The following ST6GALNAC3 variants were observed in gnomAD, a reference collection of about 807,000 sequenced individuals.
ST6GALNAC3 encodes ST6 N-acetylgalactosaminide alpha-2,6-sialyltransferase 3, also known as alpha-N-acetylgalactosaminide alpha-2,6-sialyltransferase 3.
ST6GALNAC3 carries 25 observed loss-of-function variants against 32.7 expected under a neutral mutation model. That is an observed-to-expected ratio of 0.76 (90% CI 0.56 to 1.07). The LOEUF (loss-of-function observed/expected upper bound fraction) is 1.07. ST6GALNAC3 is among the 50% of genes least tolerant of loss of function. The probability of loss-of-function intolerance (pLI) is 0.00; values close to 1 mark genes in which losing one functional copy is unlikely to be tolerated. For missense variants in ST6GALNAC3, 355 were observed against 382.4 expected, an observed-to-expected ratio of 0.93 and a Z score of 0.60; for synonymous variants, 129 against 133.1, an observed-to-expected ratio of 0.97 and a Z score of 0.21.
At chr1:76,287,387 C>CTTTTTTTTTT (rs5775339) in intron 1 of ST6GALNAC3, among the ~76,000 whole-genome samples, 4 of 130,754 alleles carry the variant, frequency 3.1e-5, no homozygotes, top group Non-Finnish European at 3.2e-5. Flanking sequence ...TTTTTTCTTC[C>CTTTTTTTTTT]TTTTTTTTTT....
intron 1 of ST6GALNAC3, among the ~76,000 whole-genome samples, chr1:76,130,111 T>C (rs1178208112): frequency 6.6e-6 from 1 of 152,188 alleles, no homozygotes; most frequent in African/African-American, 2.4e-5. Context: ...CTTGTGTTCT[T>C]ATTTAAGAGG....
At chr1:76,479,251 A>G (rs1164652254) in intron 3 of ST6GALNAC3, among the ~76,000 whole-genome samples, 1 of 152,192 alleles carries the variant, frequency 6.6e-6, no homozygotes, top group African/African-American at 2.4e-5. Flanking sequence ...ATGGAAACAG[A>G]CAAAATAAAA....
chr1:76,474,625 G>GT (rs1659235090), intron 3 of ST6GALNAC3, among the ~76,000 whole-genome samples: 1 of 152,176 alleles, frequency 6.6e-6, no homozygotes, highest in East Asian at 1.9e-4. Context: ...CAGGTGATTA[G>GT]AATAGCTATT....
Position 76,629,956 on chromosome 1 carries a change from G to C in ST6GALNAC3, c.*1150G>C. 1.0e-6 allele frequency: 1 copy of C among 985,018 alleles called. No homozygotes were observed. Among genetic ancestry groups the C allele is most frequent in the Middle Eastern group, 5.2e-4 (1 of 1,914 alleles). The allele number at this position is 985,018 out of a possible 1,614,324, so 61.0% of individuals were successfully genotyped here. ...CTTCTAGGGATTTATTTTTCCCATA[G>C]TGTATCAGTTGTTATGCCACAATAA... On this transcript the variant is annotated 3_prime_UTR_variant, in exon 5 of 5. Transcript: ENST00000328299.
chr1:76,315,258 T>C (rs1360650014), intron 2 of ST6GALNAC3, among the ~76,000 whole-genome samples: 1 of 152,148 alleles, frequency 6.6e-6, no homozygotes, highest in African/African-American at 2.4e-5. Flanking sequence ...CTCACCCTCA[T>C]CTTTTGTTAC....
intron 3 of ST6GALNAC3, among the ~76,000 whole-genome samples, chr1:76,513,925 A>G (rs970832633): frequency 6.6e-6 from 1 of 152,164 alleles, no homozygotes. Flanking sequence ...ACTATTGTAA[A>G]TGGAATTGTT....
Position 76,634,024 on chromosome 1 carries a change from A to T in ST6GALNAC3, c.*5218A>T. On this transcript the variant is annotated 3_prime_UTR_variant, in exon 5 of 5. Coordinates refer to ENST00000328299, the MANE Select transcript of ST6GALNAC3 (RefSeq NM_152996.4). The stretch of plus-strand genomic sequence containing the variant: ...CTTGGGCGTTGTAACAGTGCAGAAA[A>T]TCTCATTTAGTTTTTTTCTTTTTTT... 3.0e-6 allele frequency: 1 copy of T among 336,402 alleles called. No individual in the cohort carries two copies. The highest frequency in any genetic ancestry group is 4.2e-6 in the Non-Finnish European group (1 of 237,780). 20.8% of individuals were successfully genotyped at this position (336,402 alleles called of 1,614,324 possible).
At chr1:76,426,544 GAT>G (rs35312320) in intron 3 of ST6GALNAC3, among the ~76,000 whole-genome samples, 18 of 146,614 alleles carry the variant, frequency 1.2e-4, no homozygotes, top group Admixed American at 2.7e-4. Flanking sequence ...CTGTTTTACA[GAT>G]ATATATATAT....
intron 3 of ST6GALNAC3, among the ~76,000 whole-genome samples, chr1:76,568,545 C>T (rs1038266255): frequency 6.6e-6 from 1 of 152,166 alleles, no homozygotes; most frequent in Non-Finnish European, 1.5e-5. Context: ...TCTACAGGAG[C>T]CCGACTACAT....
intron 3 of ST6GALNAC3, among the ~76,000 whole-genome samples, chr1:76,457,287 T>G (rs1209667777): frequency 6.6e-6 from 1 of 152,018 alleles, no homozygotes; most frequent in Non-Finnish European, 1.5e-5. Flanking sequence ...CCCAAGGTAA[T>G]TTACAGATTC....
chr1:76,163,338 A>G (rs1651927299), intron 1 of ST6GALNAC3, among the ~76,000 whole-genome samples: 1 of 152,226 alleles, frequency 6.6e-6, no homozygotes, highest in Non-Finnish European at 1.5e-5. Context: ...TGCTGAGTCC[A>G]CAGTGATTAA....
At chr1:76,080,371 A>G (rs1646876734) in intron 1 of ST6GALNAC3, among the ~76,000 whole-genome samples, 1 of 152,138 alleles carries the variant, frequency 6.6e-6, no homozygotes, top group South Asian at 2.1e-4. Flanking sequence ...AGGATGTGGC[A>G]TGGATTTTTT....
At chr1:76,286,643 G>A (rs1308783640) in intron 1 of ST6GALNAC3, among the ~76,000 whole-genome samples, 3 of 152,216 alleles carry the variant, frequency 2.0e-5, no homozygotes, top group African/African-American at 7.2e-5. Context: ...GCCATGACTT[G>A]TTGCTTTTAT....
At chr1:76,298,020 T>C (rs749863178) in intron 1 of ST6GALNAC3, among the ~76,000 whole-genome samples, 1 of 151,962 alleles carries the variant, frequency 6.6e-6, no homozygotes, top group Non-Finnish European at 1.5e-5. Flanking sequence ...AGTATGGAAT[T>C]TATCAAGAAC....
At chr1:76,469,181 G>A (rs973536236) in intron 3 of ST6GALNAC3, among the ~76,000 whole-genome samples, 3 of 152,036 alleles carry the variant, frequency 2.0e-5, no homozygotes, top group Non-Finnish European at 2.9e-5. Context: ...TCTAACACAA[G>A]ACTGTTGTTG....
At chr1:76,281,862 A>G (rs12749473) in intron 1 of ST6GALNAC3, among the ~76,000 whole-genome samples, 17,579 of 152,150 alleles carry the variant, frequency 0.12, 1,083 homozygotes, top group Middle Eastern at 0.17. Flanking sequence ...GCAGTAAGGA[A>G]AGGGAGGAAG....
At chr1:76,305,349 T>G (rs567471181) in intron 1 of ST6GALNAC3, among the ~76,000 whole-genome samples, 28 of 152,160 alleles carry the variant, frequency 1.8e-4, no homozygotes, top group Admixed American at 1.6e-3. Flanking sequence ...AGATGTGATA[T>G]AGTAAAAGAA....
intron 3 of ST6GALNAC3, chr1:76,412,911 A>G (rs1455102435): frequency 1.0e-4 from 26 of 258,938 alleles, no homozygotes; most frequent in South Asian, 6.6e-4. Flanking sequence ...CCTGAACATC[A>G]TAACTTGGTA....
At chr1:76,173,978 A>T (rs1038992066) in intron 1 of ST6GALNAC3, among the ~76,000 whole-genome samples, 16 of 152,208 alleles carry the variant, frequency 1.1e-4, no homozygotes, top group Non-Finnish European at 2.9e-5. Context: ...CAGCAATCCC[A>T]TTACTGGGTA....
Sources: allele counts gnomAD v4.1 joint callset (sites outside exome capture counted in the v4.1 genomes callset), GRCh38; gene constraint gnomAD v4.1.1; transcripts MANE v1.5; gene names NCBI Gene and HGNC (gene_info 2026-07-23, HGNC 2026-07-21).